CAMTA1: variants seen among roughly 807,000 people sequenced by gnomAD.
The protein encoded by CAMTA1 is calmodulin-binding transcription activator 1.
In CAMTA1, 27 loss-of-function variants were observed where a neutral mutation model predicts 170.9. The ratio of observed to expected loss-of-function variants is 0.16; its 90% CI spans 0.12 to 0.22. The LOEUF (loss-of-function observed/expected upper bound fraction) is 0.22, where lower values mean the gene tolerates loss of function less well. CAMTA1 is among the 10% of genes least tolerant of loss of function. The probability of loss-of-function intolerance (pLI) is 1.00; values close to 1 mark genes in which losing one functional copy is unlikely to be tolerated. For missense variants in CAMTA1, 1,619 were observed against 2,217.2 expected, an observed-to-expected ratio of 0.73 and a Z score of 5.42; for synonymous variants, 833 against 891.5, an observed-to-expected ratio of 0.93 and a Z score of 1.17.
chr1:7,408,903 C>T (rs1366470426), intron 5 of CAMTA1, among the ~76,000 whole-genome samples: 2 of 152,222 alleles, frequency 1.3e-5, no homozygotes, highest in African/African-American at 4.8e-5. Flanking sequence ...CCCCTTGGTG[C>T]CTGTCTGCTC....
chr1:7,402,814 C>G (rs918053304), intron 5 of CAMTA1, among the ~76,000 whole-genome samples: 3 of 152,204 alleles, frequency 2.0e-5, no homozygotes, highest in Non-Finnish European at 4.4e-5. Context: ...AAATACATCA[C>G]ATTAACCCTC....
chr1:7,102,272 G>C (rs981950082), intron 4 of CAMTA1, among the ~76,000 whole-genome samples: 5 of 152,156 alleles, frequency 3.3e-5, no homozygotes, highest in African/African-American at 1.2e-4. Context: ...AGGTGACTCT[G>C]GTGGGGAAGA....
chr1:6,907,610 G>A (rs1678818189), intron 3 of CAMTA1, among the ~76,000 whole-genome samples: 2 of 152,182 alleles, frequency 1.3e-5, no homozygotes, highest in South Asian at 2.1e-4. Flanking sequence ...TGAGCCGGTG[G>A]TCCCCTGGGT....
At chr1:7,040,722 TC>T (rs1704312368) in intron 3 of CAMTA1, among the ~76,000 whole-genome samples, 1 of 146,674 alleles carries the variant, frequency 6.8e-6, no homozygotes, top group African/African-American at 2.5e-5. Flanking sequence ...TGGATCTCCC[TC>T]TTTTTTTTTT....
intron 5 of CAMTA1, among the ~76,000 whole-genome samples, chr1:7,390,254 CAA>C (rs1368693769): frequency 6.6e-6 from 1 of 152,166 alleles, no homozygotes; most frequent in Non-Finnish European, 1.5e-5. Flanking sequence ...AGGGCCAGAG[CAA>C]GAGGGTGACA....
intron 15 of CAMTA1, 140 bp downstream of exon 15, chr1:7,737,710 G>T: frequency 1.1e-6 from 1 of 881,950 alleles, no homozygotes; most frequent in African/African-American, 1.7e-5. Context: ...CTTTAAGAAT[G>T]CCTAGTGCTG....
At chr1:7,507,196 T>C (rs2094131926) in intron 6 of CAMTA1, among the ~76,000 whole-genome samples, 1 of 151,708 alleles carries the variant, frequency 6.6e-6, no homozygotes. Context: ...CATAACACCC[T>C]CACAGTGGCA....
At chr1:6,947,366 C>T (rs1315335175) in intron 3 of CAMTA1, among the ~76,000 whole-genome samples, 3 of 151,722 alleles carry the variant, frequency 2.0e-5, no homozygotes, top group Non-Finnish European at 2.9e-5. Context: ...CATTTATTTC[C>T]ATTGTCTTTA....
chr1:7,339,525 T>A (rs2083637696), intron 5 of CAMTA1, among the ~76,000 whole-genome samples: 2 of 152,112 alleles, frequency 1.3e-5, no homozygotes, highest in Admixed American at 1.3e-4. Context: ...CCATTCTGAG[T>A]TTTTTTCCTC....
intron 4 of CAMTA1, among the ~76,000 whole-genome samples, chr1:7,163,905 C>T (rs1485509079): frequency 6.6e-6 from 1 of 152,200 alleles, no homozygotes; most frequent in African/African-American, 2.4e-5. Flanking sequence ...CACTCGTTTT[C>T]CCTTTAGACT....
intron 7 of CAMTA1, among the ~76,000 whole-genome samples, chr1:7,656,956 C>G (rs2095909120): frequency 6.6e-6 from 1 of 152,232 alleles, no homozygotes; most frequent in Admixed American, 6.5e-5. Flanking sequence ...CTGCGACGGC[C>G]ACTCCCAGCC....
chr1:7,279,868 CA>C (rs1012962504), intron 5 of CAMTA1, among the ~76,000 whole-genome samples: 2 of 151,856 alleles, frequency 1.3e-5, no homozygotes, highest in African/African-American at 4.8e-5. Context: ...CCCTCTAGAC[CA>C]AAAAAAAAGA....
rs182979813 is a variant in CAMTA1 at position 7,137,173 on chromosome 1, A to G, written c.302+45802A>G. Among the ~76,000 whole-genome samples, 202 of 152,096 alleles carry G rather than the reference A, an allele frequency of 1.3e-3. 1 individual carries two copies. Among genetic ancestry groups the G allele is most frequent in the African/African-American group, 4.2e-3 (174 of 41,478 alleles). The stretch of plus-strand genomic sequence containing the variant: ...TATTTTTTCTTCTCTTCCCTCCTTT[A>G]ATCCATCAGCAAACTTGTGGCTCCA... On this transcript the variant is annotated intron_variant, in intron 4 of 22. Transcript: ENST00000303635.
At chr1:7,342,686 T>C (rs2083923346) in intron 5 of CAMTA1, among the ~76,000 whole-genome samples, 1 of 152,034 alleles carries the variant, frequency 6.6e-6, no homozygotes, top group South Asian at 2.1e-4. Context: ...AAGGGGAGAA[T>C]AGGGAAGAAG....
Position 7,635,483 on chromosome 1 carries a change from C to A in CAMTA1, c.511-4917C>A, listed in dbSNP as rs2095704326. 6.6e-6 allele frequency among the ~76,000 whole-genome samples: 1 copy of A among 151,990 alleles called. No homozygotes were observed. The highest frequency in any genetic ancestry group is 6.6e-5 in the Admixed American group (1 of 15,260). ...AATTAGCGGGGCACTGTGGCGGGCG[C>A]CTGTACTCCCAGCTACTCCAGAGGC... On this transcript the variant is annotated intron_variant, in intron 6 of 22. Coordinates refer to ENST00000303635, the MANE Select transcript of CAMTA1 (RefSeq NM_015215.4). The surrounding 1 kb of genome is among the most constrained non-coding windows in gnomAD (Gnocchi z 4.4).
chr1:7,485,346 C>T (rs1202762316), intron 6 of CAMTA1, among the ~76,000 whole-genome samples: 5 of 152,210 alleles, frequency 3.3e-5, no homozygotes, highest in Non-Finnish European at 5.9e-5. Context: ...CCCATCCCAC[C>T]ACCCTCCTGA....
At chr1:7,663,085 A>G (rs1272735391) in intron 8 of CAMTA1, among the ~76,000 whole-genome samples, 1 of 152,056 alleles carries the variant, frequency 6.6e-6, no homozygotes, top group African/African-American at 2.4e-5. Flanking sequence ...TATGCTTCCT[A>G]TTTGAAAAGA....
rs57728435 is a variant in CAMTA1, at chr1:7,135,135, C to G, written c.302+43764C>G. 8.2e-3 allele frequency among the ~76,000 whole-genome samples: 1,253 copies of G among 152,228 alleles called. 15 individuals are homozygous for G. Among genetic ancestry groups the G allele is most frequent in the African/African-American group, 0.028 (1,161 of 41,534 alleles). On this transcript the variant is annotated intron_variant, in intron 4 of 22. Transcript: ENST00000303635. ...AGTGCAGTGGCTCATATCTCTAATC[C>G]CAGCACTTTGGGAGGCCGGGGCAGG...
rs549983947 is a variant in CAMTA1 at position 7,099,469 on chromosome 1, A to AG, written c.302+8102dup. ...GCAGTACAGCTCAATCCTGTTTCCCAGGGGCGGCTGCTCTCTGGTCTTTTG... is the reference window on the plus strand; with the variant it reads ...GCAGTACAGCTCAATCCTGTTTCCCAGGGGGCGGCTGCTCTCTGGTCTTTTG... On this transcript the variant is annotated intron_variant, in intron 4 of 22. Coordinates refer to ENST00000303635, the MANE Select transcript of CAMTA1 (RefSeq NM_015215.4). 3.7e-4 allele frequency among the ~76,000 whole-genome samples: 56 copies of AG among 152,316 alleles called. 1 individual carries two copies. In the South Asian group the frequency reaches 0.011, roughly 29 times the overall value.
Sources: allele counts gnomAD v4.1 joint callset (sites outside exome capture counted in the v4.1 genomes callset), GRCh38; gene constraint gnomAD v4.1.1; non-coding constraint Gnocchi (gnomAD v3.1); transcripts MANE v1.5; gene names NCBI Gene and HGNC (gene_info 2026-07-23, HGNC 2026-07-21).